Variants in ESRRG observed in about 807,000 individuals in gnomAD.
The protein encoded by ESRRG is estrogen related receptor gamma.
Under a neutral mutation model 44.0 loss-of-function variants are expected in ESRRG, and 13 were observed. The observed-to-expected ratio is 0.30, with a 90% CI of 0.19 to 0.47. ESRRG has a LOEUF of 0.47. ESRRG is among the 20% of genes least tolerant of loss of function. The pLI, the probability that ESRRG is intolerant of heterozygous loss-of-function variation, is 1.00. For synonymous variants in ESRRG, 215 were observed against 214.6 expected (o/e 1.00, Z -0.02); for missense variants, 395 against 580.6 (o/e 0.68, Z 3.29).
At chr1:216,643,200 G>C (rs1486914248) in intron 3 of ESRRG, among the ~76,000 whole-genome samples, 1 of 152,192 alleles carries the variant, frequency 6.6e-6, no homozygotes, top group Non-Finnish European at 1.5e-5. Flanking sequence ...TGTAATGGCA[G>C]TTAAAAGAGT....
At chr1:217,013,252 T>C (rs547434667) in intron 1 of ESRRG, among the ~76,000 whole-genome samples, 85 of 152,302 alleles carry the variant, frequency 5.6e-4, no homozygotes, top group African/African-American at 1.9e-3. Context: ...CTTTATTAGA[T>C]GCTAAGAAAA....
chr1:216,665,768 A>G (rs1421215898), intron 2 of ESRRG, among the ~76,000 whole-genome samples: 1 of 152,204 alleles, frequency 6.6e-6, no homozygotes, highest in Non-Finnish European at 1.5e-5. Context: ...TATAAAAGCT[A>G]AAATACTACA....
intron 2 of ESRRG, among the ~76,000 whole-genome samples, chr1:216,876,741 G>A (rs925813620): frequency 1.3e-5 from 2 of 152,066 alleles, no homozygotes; most frequent in Admixed American, 1.3e-4. Flanking sequence ...TGAGATAACT[G>A]ACCTGAAGCA....
chr1:216,557,465 A>G (rs371141180), intron 5 of ESRRG, among the ~76,000 whole-genome samples: 162 of 152,300 alleles, frequency 1.1e-3, no homozygotes, highest in African/African-American at 3.6e-3. Flanking sequence ...ATTAAGTTAA[A>G]TATACTATGT....
At chr1:216,937,639 G>A (rs191960836) in intron 2 of ESRRG, among the ~76,000 whole-genome samples, 66 of 152,206 alleles carry the variant, frequency 4.3e-4, no homozygotes, top group African/African-American at 1.3e-3. Flanking sequence ...AAAATGGAGG[G>A]GAGGAAGGGG....
chr1:216,656,294 C>T (rs1200048973), intron 2 of ESRRG, among the ~76,000 whole-genome samples: 3 of 152,134 alleles, frequency 2.0e-5, no homozygotes, highest in Non-Finnish European at 4.4e-5. Flanking sequence ...CTGGAATTTT[C>T]CCAGTTTTGT....
At chr1:217,030,663 A>G (rs1473030015) in intron 1 of ESRRG, among the ~76,000 whole-genome samples, 1 of 152,200 alleles carries the variant, frequency 6.6e-6, no homozygotes, top group Non-Finnish European at 1.5e-5. Context: ...CAATAAACTA[A>G]AGGAGATGGG....
intron 2 of ESRRG, among the ~76,000 whole-genome samples, chr1:216,828,502 T>C (rs1472554631): frequency 6.6e-6 from 1 of 152,096 alleles, no homozygotes; most frequent in African/African-American, 2.4e-5. Context: ...CACATAACAA[T>C]AGTAAGAGTT....
At chr1:216,731,711 G>A (rs111627581) in intron 2 of ESRRG, among the ~76,000 whole-genome samples, 46 of 152,282 alleles carry the variant, frequency 3.0e-4, no homozygotes, top group Middle Eastern at 3.4e-3. Flanking sequence ...CCATTTCCGT[G>A]GTAGATTAAA....
chr1:216,532,290 A>G (rs913094991), intron 5 of ESRRG, among the ~76,000 whole-genome samples: 2 of 152,112 alleles, frequency 1.3e-5, no homozygotes, highest in African/African-American at 4.8e-5. Context: ...GTACTTTTCC[A>G]CTTAATTAGA....
chr1:216,516,664 C>CAT (rs71161435), intron 6 of ESRRG, among the ~76,000 whole-genome samples: 1 of 106,906 alleles, frequency 9.4e-6, no homozygotes, highest in Admixed American at 8.5e-5. Context: ...CACACACACA[C>CAT]ACACAGAGAG....
At chr1:217,060,024 G>A (rs1183318961) in intron 1 of ESRRG, among the ~76,000 whole-genome samples, 5 of 151,826 alleles carry the variant, frequency 3.3e-5, no homozygotes. Flanking sequence ...GAATACAAAG[G>A]ATTATAATTG....
At chr1:216,594,387 A>G (rs1330627805) in intron 3 of ESRRG, among the ~76,000 whole-genome samples, 2 of 152,208 alleles carry the variant, frequency 1.3e-5, no homozygotes. Context: ...ATTCCAAATT[A>G]GAATATTTTA....
At chr1:216,563,940 A>T (rs565943122) in intron 5 of ESRRG, among the ~76,000 whole-genome samples, 1 of 152,300 alleles carries the variant, frequency 6.6e-6, no homozygotes, top group Non-Finnish European at 1.5e-5. Context: ...TTGACAAAGG[A>T]TAAAGAAATG....
intron 1 of ESRRG, among the ~76,000 whole-genome samples, chr1:217,130,846 A>G (rs1380261842): frequency 6.6e-6 from 1 of 152,126 alleles, no homozygotes; most frequent in African/African-American, 2.4e-5. Flanking sequence ...AGCCTTCCTG[A>G]AAAAGAACAC....
At chr1:216,595,006 T>G (rs1160211162) in intron 3 of ESRRG, among the ~76,000 whole-genome samples, 1 of 152,186 alleles carries the variant, frequency 6.6e-6, no homozygotes, top group South Asian at 2.1e-4. Flanking sequence ...AAGTAGACTA[T>G]GGCTAGAGGT....
chr1:216,752,974 T>A (rs1308091050), intron 2 of ESRRG, among the ~76,000 whole-genome samples: 1 of 151,984 alleles, frequency 6.6e-6, no homozygotes, highest in Non-Finnish European at 1.5e-5. Flanking sequence ...TTTCAATCTA[T>A]CAAGATTAAA....
chr1:216,782,298 A>G (rs962672026), intron 2 of ESRRG, among the ~76,000 whole-genome samples: 1 of 152,030 alleles, frequency 6.6e-6, no homozygotes, highest in African/African-American at 2.4e-5. Flanking sequence ...TAAGTCTCTC[A>G]TGGCATTGCC....
intron 1 of ESRRG, among the ~76,000 whole-genome samples, chr1:217,102,998 A>G (rs528908340): frequency 1.3e-5 from 2 of 152,312 alleles, no homozygotes; most frequent in East Asian, 1.9e-4. Context: ...AAATATGAAC[A>G]AATGCAGAGA....
Sources: allele counts gnomAD v4.1 joint callset (sites outside exome capture counted in the v4.1 genomes callset), GRCh38; gene constraint gnomAD v4.1.1; transcripts MANE v1.5; gene names NCBI Gene and HGNC (gene_info 2026-07-23, HGNC 2026-07-21).